FBXL13: variants seen among roughly 807,000 people sequenced by gnomAD.
The protein encoded by FBXL13 is F-box and leucine-rich repeat protein 13.
A neutral mutation model predicts 83.6 loss-of-function variants in FBXL13; 67 were observed. The ratio of observed to expected loss-of-function variants is 0.80; its 90% CI spans 0.66 to 0.98. FBXL13 has a LOEUF of 0.98. Among genes scored for constraint, FBXL13 ranks in the 50% least tolerant of loss-of-function variants. The pLI, the probability that FBXL13 is intolerant of heterozygous loss-of-function variation, is 0.00. For missense variants in FBXL13, 822 were observed against 866.5 expected (o/e 0.95, Z 0.64); for synonymous variants, 272 against 299.5 (o/e 0.91, Z 0.95).
At chr7:103,011,878 G>A (rs74524858) in intron 6 of FBXL13, among the ~76,000 whole-genome samples, 3,958 of 152,114 alleles carry the variant, frequency 0.026, 174 homozygotes, top group African/African-American at 0.088. Context: ...ACTCACTGGC[G>A]TCCTTGAAAG....
chr7:103,022,044 G>A (rs7807055), intron 6 of FBXL13, among the ~76,000 whole-genome samples: 85,860 of 151,998 alleles, frequency 0.56, 27,065 homozygotes, highest in Non-Finnish European at 0.7. Context: ...TGTTTATTGC[G>A]GCACTAGTCA....
At chr7:102,958,578 CAG>C (rs142556183) in intron 8 of FBXL13, among the ~76,000 whole-genome samples, 9,010 of 150,058 alleles carry the variant, frequency 0.06, 410 homozygotes, top group East Asian at 0.22. Context: ...AAAACAGAGA[CAG>C]AGAGAGCAAA....
chr7:103,014,646 G>A lies in FBXL13; in HGVS notation c.495+10417C>T, dbSNP rs530848772. ...CAAGAAAATACTAGCAAACTGGGCC[G>A]GGCGCGGTGGCTCACGCCTGTACTC... On this transcript the variant is annotated intron_variant, in intron 6 of 19. Coordinates refer to ENST00000313221, the Ensembl canonical transcript of FBXL13. 1.9e-4 allele frequency among the ~76,000 whole-genome samples: 29 copies of A among 152,094 alleles called. No homozygotes were observed. In the South Asian group the frequency reaches 3.5e-3, roughly 19 times the overall value.
intron 8 of FBXL13, among the ~76,000 whole-genome samples, chr7:102,960,372 C>A (rs1363696858): frequency 1.3e-5 from 2 of 152,046 alleles, no homozygotes; most frequent in African/African-American, 4.8e-5. Context: ...AGTCCAGGAC[C>A]AGATGGATTC....
At chr7:103,055,312 C>G in intron 2 of FBXL13, 134 bp from the exon 3 acceptor site, 1 of 454,972 alleles carries the variant, frequency 2.2e-6, no homozygotes, top group South Asian at 2.1e-5. Context: ...AGAAGCAGAT[C>G]AGAATCACCT....
At chr7:102,933,985 C>A (rs1280349616) in intron 8 of FBXL13, 1 of 1,614,142 alleles carries the variant, frequency 6.2e-7, no homozygotes, top group Non-Finnish European at 8.5e-7. Flanking sequence ...CAAGCCCAGG[C>A]AGTGTGAGAA....
At chr7:102,962,292 T>C (rs1210433482) in intron 8 of FBXL13, among the ~76,000 whole-genome samples, 1 of 152,086 alleles carries the variant, frequency 6.6e-6, no homozygotes, top group Non-Finnish European at 1.5e-5. Context: ...TGAGATATCA[T>C]CTCACACTAG....
rs149762535 is a variant in FBXL13, at chr7:102,816,760, A to G, written c.2019-3229T>C. Reference sequence around the variant, plus strand: ...AGTAGGTACTTTGTTAACCCTCGCCATCCTCCCTGCCTCCCCACATTTGGA... The same window carrying G: ...AGTAGGTACTTTGTTAACCCTCGCCGTCCTCCCTGCCTCCCCACATTTGGA... On this transcript the variant is annotated intron_variant, in intron 19 of 19. Coordinates refer to ENST00000313221, the Ensembl canonical transcript of FBXL13. Among the ~76,000 whole-genome samples, 17 of 152,308 alleles carry G rather than the reference A, an allele frequency of 1.1e-4. No homozygotes were observed. The East Asian group carries it at 3.1e-3, about 28-fold the overall frequency.
chr7:103,012,098 G>A (rs776576485), intron 6 of FBXL13, among the ~76,000 whole-genome samples: 10 of 152,122 alleles, frequency 6.6e-5, no homozygotes, highest in South Asian at 2.1e-4. Context: ...AGCTAGGGCC[G>A]GGCGCAGTGG....
intron 10 of FBXL13, among the ~76,000 whole-genome samples, chr7:102,923,551 G>T (rs565850476): frequency 6.6e-6 from 1 of 152,020 alleles, no homozygotes; most frequent in South Asian, 2.1e-4. Context: ...GGCCGGGCGC[G>T]GTGGCTCACG....
intron 16 of FBXL13, among the ~76,000 whole-genome samples, chr7:102,866,683 T>C (rs939704186): frequency 7.2e-5 from 11 of 152,176 alleles, no homozygotes; most frequent in African/African-American, 2.7e-4. Context: ...TGCAATTGTA[T>C]CATCAGATTA....
intron 2 of FBXL13, among the ~76,000 whole-genome samples, chr7:103,038,625 A>T (rs1795328421): frequency 6.6e-6 from 1 of 152,202 alleles, no homozygotes; most frequent in Non-Finnish European, 1.5e-5. Context: ...AGGAAGGATC[A>T]GGCAGCAATA....
chr7:102,986,067 A>T (rs1007843384), intron 6 of FBXL13, among the ~76,000 whole-genome samples: 1 of 151,388 alleles, frequency 6.6e-6, no homozygotes, highest in Non-Finnish European at 1.5e-5. Flanking sequence ...CACTTTCCAA[A>T]TAATCTATTG....
intron 17 of FBXL13, among the ~76,000 whole-genome samples, chr7:102,854,169 C>T (rs1459075203): frequency 6.6e-6 from 1 of 152,136 alleles, no homozygotes; most frequent in Non-Finnish European, 1.5e-5. Context: ...GGCACATATA[C>T]ACCATGGAAT....
chr7:102,997,656 T>C (rs1357221958), intron 6 of FBXL13, among the ~76,000 whole-genome samples: 10 of 152,158 alleles, frequency 6.6e-5, no homozygotes, highest in Non-Finnish European at 1.5e-4. Flanking sequence ...CCACAATGAG[T>C]GAGAACATGT....
intron 9 of FBXL13, among the ~76,000 whole-genome samples, chr7:102,928,919 A>G (rs1818628670): frequency 6.6e-6 from 1 of 152,154 alleles, no homozygotes; most frequent in African/African-American, 2.4e-5. Context: ...CTCTGATGTG[A>G]TATTTGACAT....
chr7:102,834,084 A>AAGGAAGGAAGGAAGGAAGGAAG (rs1562925752), intron 17 of FBXL13, among the ~76,000 whole-genome samples: 4 of 101,148 alleles, frequency 4.0e-5, no homozygotes, highest in African/African-American at 1.3e-4. Context: ...AAGGAAGGAA[A>AAGGAAGGAAGGAAGGAAGGAAG]GAAAAGAAAG....
intron 2 of FBXL13, among the ~76,000 whole-genome samples, chr7:103,044,032 G>A (rs1001559470): frequency 6.6e-6 from 1 of 152,116 alleles, no homozygotes; most frequent in Non-Finnish European, 1.5e-5. Flanking sequence ...TGATGCACTA[G>A]GAAAAACACA....
At chr7:102,914,703 A>T (rs1317138708) in intron 10 of FBXL13, among the ~76,000 whole-genome samples, 1 of 152,248 alleles carries the variant, frequency 6.6e-6, no homozygotes, top group African/African-American at 2.4e-5. Flanking sequence ...TGTACGTGAG[A>T]TTCGACAGAG....
Sources: gnomAD v4.1 joint callset for allele counts (sites outside exome capture counted in the v4.1 genomes callset) on GRCh38, gnomAD v4.1.1 for gene constraint, MANE v1.5 for transcripts, NCBI Gene and HGNC (gene_info 2026-07-23, HGNC 2026-07-21) for gene names.